The following SRBD1 variants were observed in gnomAD, a reference collection of about 807,000 sequenced individuals.
SRBD1 encodes the protein S1 RNA binding domain 1.
SRBD1 carries 88 observed loss-of-function variants against 115.3 expected under a neutral mutation model. The ratio of observed to expected loss-of-function variants is 0.76; its 90% CI spans 0.64 to 0.91. The LOEUF is 0.91. SRBD1 is among the 40% of genes least tolerant of loss of function. The pLI, the probability that SRBD1 is intolerant of heterozygous loss-of-function variation, is 0.00. For synonymous variants in SRBD1, 509 were observed against 407.7 expected (o/e 1.25, Z -2.99); for missense variants, 1,385 against 1,177.4 (o/e 1.18, Z -2.58).
intron 15 of SRBD1, among the ~76,000 whole-genome samples, chr2:45,482,055 C>G (rs1303739127): frequency 6.6e-6 from 1 of 152,066 alleles, no homozygotes; most frequent in Non-Finnish European, 1.5e-5. Context: ...TTGTGCAACT[C>G]TGACTATACT....
At chr2:45,493,632 G>A (rs979601396) in intron 14 of SRBD1, among the ~76,000 whole-genome samples, 1 of 151,822 alleles carries the variant, frequency 6.6e-6, no homozygotes, top group Non-Finnish European at 1.5e-5. Context: ...CTAACATGGT[G>A]AATCCCAGTC....
At chr2:45,528,085 T>C (rs1221228211) in intron 14 of SRBD1, among the ~76,000 whole-genome samples, 1 of 151,936 alleles carries the variant, frequency 6.6e-6, no homozygotes, top group Non-Finnish European at 1.5e-5. Context: ...AGGATGTAAC[T>C]GTAACTCTGG....
chr2:45,459,829 G>C (rs1669261483), intron 16 of SRBD1, among the ~76,000 whole-genome samples: 1 of 152,168 alleles, frequency 6.6e-6, no homozygotes, highest in Non-Finnish European at 1.5e-5. Context: ...CCAGGGCTCT[G>C]TGTTCTTTCC....
rs561909090 is a variant in SRBD1 at position 45,540,844 on chromosome 2, A to T, written c.1874+5888T>A. On this transcript the variant is annotated intron_variant, in intron 14 of 20. Coordinates refer to ENST00000263736, the MANE Select transcript of SRBD1 (RefSeq NM_018079.5). ...TCACTACATATCCACTAGGGCAGCT[A>T]AATTTAAAAGGCTGACCATACCAAG... Among the ~76,000 whole-genome samples the T allele has an allele frequency of 2.0e-5, 3 of 152,296 alleles. No individual in the cohort carries two copies. In the South Asian group the frequency reaches 6.2e-4, roughly 32 times the overall value.
chr2:45,396,038 G>C (rs1667137220), intron 19 of SRBD1, among the ~76,000 whole-genome samples: 1 of 152,042 alleles, frequency 6.6e-6, no homozygotes, highest in Non-Finnish European at 1.5e-5. Context: ...TGAACAGGTA[G>C]TGATAAATAT....
intron 14 of SRBD1, among the ~76,000 whole-genome samples, chr2:45,538,869 G>A (rs1051859290): frequency 4.0e-5 from 6 of 151,896 alleles, no homozygotes; most frequent in African/African-American, 1.5e-4. Context: ...TTTCCTCTGG[G>A]TATTTTTCTG....
At chr2:45,496,913 T>C (rs1304651840) in intron 14 of SRBD1, among the ~76,000 whole-genome samples, 1 of 152,174 alleles carries the variant, frequency 6.6e-6, no homozygotes, top group Admixed American at 6.5e-5. Flanking sequence ...CAGCTAATGC[T>C]GAAAAAAAAT....
chr2:45,533,347 C>G (rs1197278707), intron 14 of SRBD1, among the ~76,000 whole-genome samples: 2 of 152,044 alleles, frequency 1.3e-5, no homozygotes, highest in East Asian at 1.9e-4. Context: ...ACCCTATCTA[C>G]AGAGATGGTT....
chr2:45,608,172 T>C (rs1027909438), intron 1 of SRBD1, among the ~76,000 whole-genome samples: 5 of 152,224 alleles, frequency 3.3e-5, no homozygotes, highest in Admixed American at 2.0e-4. Flanking sequence ...TTAACCATTA[T>C]CCTTAAAGAA....
At chr2:45,489,321 T>A (rs1399169724) in intron 14 of SRBD1, among the ~76,000 whole-genome samples, 2 of 152,204 alleles carry the variant, frequency 1.3e-5, no homozygotes, top group African/African-American at 4.8e-5. Flanking sequence ...AGTATTTACT[T>A]CAATTGCATG....
chr2:45,551,896 A>C (rs1672312861), intron 11 of SRBD1, among the ~76,000 whole-genome samples: 1 of 152,198 alleles, frequency 6.6e-6, no homozygotes, highest in Non-Finnish European at 1.5e-5. Context: ...GGCGATTTGT[A>C]ATATGCATTG....
chr2:45,547,817 C>T (rs1439908335), intron 12 of SRBD1, among the ~76,000 whole-genome samples: 1 of 152,142 alleles, frequency 6.6e-6, no homozygotes, highest in Non-Finnish European at 1.5e-5. Flanking sequence ...CTGTTTGCTA[C>T]ACAAAACTAC....
intron 14 of SRBD1, among the ~76,000 whole-genome samples, chr2:45,524,074 C>CA (rs1250741567): frequency 6.6e-6 from 1 of 151,370 alleles, no homozygotes; most frequent in Non-Finnish European, 1.5e-5. Flanking sequence ...ATCGCAGAAA[C>CA]AAAAAAAGGA....
intron 14 of SRBD1, among the ~76,000 whole-genome samples, chr2:45,501,791 G>A (rs1264319263): frequency 2.0e-5 from 3 of 152,198 alleles, no homozygotes; most frequent in African/African-American, 7.2e-5. Context: ...AAGCAGCTGG[G>A]AAGCTCGAAC....
At chr2:45,581,993 ATCT>A (rs1391370594) in intron 5 of SRBD1, among the ~76,000 whole-genome samples, 183 bp from the exon 6 acceptor site, 1 of 152,208 alleles carries the variant, frequency 6.6e-6, no homozygotes, top group Non-Finnish European at 1.5e-5. Context: ...ACAAATACAA[ATCT>A]TCTACATAAC....
At chr2:45,488,578 GC>G (rs1670193957) in intron 14 of SRBD1, among the ~76,000 whole-genome samples, 1 of 152,058 alleles carries the variant, frequency 6.6e-6, no homozygotes, top group Admixed American at 6.5e-5. Flanking sequence ...GAAATCAGTT[GC>G]TTTCTCTGTC....
chr2:45,563,173 G>A (rs1433630319), intron 9 of SRBD1, among the ~76,000 whole-genome samples: 1 of 152,080 alleles, frequency 6.6e-6, no homozygotes, highest in Non-Finnish European at 1.5e-5. Context: ...CATCCATTGA[G>A]CATTACTAAT....
chr2:45,426,795 A>G (rs1412391138), intron 16 of SRBD1, among the ~76,000 whole-genome samples: 1 of 152,218 alleles, frequency 6.6e-6, no homozygotes, highest in Non-Finnish European at 1.5e-5. Context: ...AGAAAGGAAT[A>G]GCATCAACAT....
intron 4 of SRBD1, among the ~76,000 whole-genome samples, chr2:45,592,369 C>T (rs1459705638): frequency 6.6e-6 from 1 of 152,134 alleles, no homozygotes; most frequent in African/African-American, 2.4e-5. Flanking sequence ...AAGGAGGGCA[C>T]TGCACATGCG....
Sources: gnomAD v4.1 joint callset for allele counts (sites outside exome capture counted in the v4.1 genomes callset) on GRCh38, gnomAD v4.1.1 for gene constraint, MANE v1.5 for transcripts, NCBI Gene and HGNC (gene_info 2026-07-23, HGNC 2026-07-21) for gene names.